The following SLFN5 variants were observed in gnomAD, a reference collection of about 807,000 sequenced individuals.
SLFN5 encodes schlafen family member 5.
In SLFN5, 34 loss-of-function variants were observed where a neutral mutation model predicts 48.5. The ratio of observed to expected loss-of-function variants is 0.70; its 90% CI spans 0.53 to 0.93. SLFN5 has a LOEUF of 0.93. Among genes scored for constraint, SLFN5 ranks in the 40% least tolerant of loss-of-function variants. The pLI is 0.00. For missense variants in SLFN5, 1,006 were observed against 1,071.3 expected (o/e 0.94, Z 0.85); for synonymous variants, 387 against 396.2 (o/e 0.98, Z 0.28).
chr17:35,249,292 T>C (rs2092437331), intron 1 of SLFN5, among the ~76,000 whole-genome samples: 2 of 152,142 alleles, frequency 1.3e-5, no homozygotes, highest in South Asian at 2.1e-4. Context: ...CAAAATAAAC[T>C]TGTGGCCCAC....
At chr17:35,249,098 A>G (rs1447354888) in intron 1 of SLFN5, among the ~76,000 whole-genome samples, 5 of 152,256 alleles carry the variant, frequency 3.3e-5, no homozygotes, top group African/African-American at 1.2e-4. Flanking sequence ...ATACCTTCCA[A>G]CACATCAGTT....
chr17:35,247,762 T>C (rs2092434014), intron 1 of SLFN5, among the ~76,000 whole-genome samples: 2 of 152,222 alleles, frequency 1.3e-5, no homozygotes, highest in Non-Finnish European at 2.9e-5. Flanking sequence ...GGGTCAGACA[T>C]AGGCATAGGT....
At chr17:35,246,099 G>A (rs1418014678) in intron 1 of SLFN5, among the ~76,000 whole-genome samples, 2 of 152,120 alleles carry the variant, frequency 1.3e-5, no homozygotes, top group Non-Finnish European at 2.9e-5. Context: ...ATGATGTTGA[G>A]CATAATTCAA....
chr17:35,262,413 A>G (rs904883391), intron 3 of SLFN5, among the ~76,000 whole-genome samples: 63 of 152,006 alleles, frequency 4.1e-4, no homozygotes, highest in Non-Finnish European at 2.4e-4. Flanking sequence ...AAAAGAAAAA[A>G]AAATTCCAAG....
chr17:35,263,361 G>C (rs1009989206), intron 3 of SLFN5, among the ~76,000 whole-genome samples: 1 of 151,758 alleles, frequency 6.6e-6, no homozygotes, highest in Non-Finnish European at 1.5e-5. Flanking sequence ...GAACTCCTGG[G>C]CTTAAGTGAT....
chr17:35,265,057 C>T lies in SLFN5; in HGVS notation c.1860-15C>T. 1 of 1,595,878 alleles carries T rather than the reference C, an allele frequency of 6.3e-7. No individual in the cohort carries two copies. The highest frequency in any genetic ancestry group is 8.5e-7 in the Non-Finnish European group (1 of 1,171,380). ...TTTGTTTCATTGGGGAAAAACCTGACTCTGTTTCTTACAGTTTCAGCAAGA... is the reference window on the plus strand; with the variant it reads ...TTTGTTTCATTGGGGAAAAACCTGATTCTGTTTCTTACAGTTTCAGCAAGA... On this transcript the variant is annotated splice_polypyrimidine_tract_variant and intron_variant, in intron 4 of 4. Transcript: ENST00000299977.
chr17:35,252,669 A>G (rs2092445166), intron 1 of SLFN5, among the ~76,000 whole-genome samples: 1 of 150,130 alleles, frequency 6.7e-6, no homozygotes, highest in Non-Finnish European at 1.5e-5. Flanking sequence ...AACATCTTAG[A>G]TTTTAGATCT....
chr17:35,249,132 C>T (rs2092436908), intron 1 of SLFN5, among the ~76,000 whole-genome samples: 1 of 152,138 alleles, frequency 6.6e-6, no homozygotes, highest in South Asian at 2.1e-4. Context: ...AAAAGCAGCC[C>T]TTTCATCTCA....
chr17:35,261,798 C>A (rs921352618), intron 3 of SLFN5, among the ~76,000 whole-genome samples: 3 of 151,532 alleles, frequency 2.0e-5, no homozygotes, highest in Non-Finnish European at 4.4e-5. Flanking sequence ...GCCTCAGCCT[C>A]TCAGGTAGCT....
At position 35,247,098 on chromosome 17, in the gene SLFN5, C is replaced by A. The variant is rs573740385; in HGVS notation, c.-41+3955C>A. Among the ~76,000 whole-genome samples the A allele has an allele frequency of 2.0e-5, 3 of 152,252 alleles. No homozygotes were observed. The East Asian group carries it at 5.8e-4, about 29-fold the overall frequency. ...AGCAGTTGACTGGTAGTGGTCAGGA[C>A]CTTGTCAATAACTGACAGCATCCTT... On this transcript the variant is annotated intron_variant, in intron 1 of 4. Coordinates refer to ENST00000299977, the MANE Select transcript of SLFN5 (RefSeq NM_144975.4).
intron 1 of SLFN5, among the ~76,000 whole-genome samples, chr17:35,246,909 G>C (rs112852751): frequency 0.015 from 2,315 of 151,762 alleles, 73 homozygotes; most frequent in African/African-American, 0.054. Flanking sequence ...AGAAATGTTT[G>C]CCTAACCCAA....
intron 1 of SLFN5, among the ~76,000 whole-genome samples, chr17:35,256,665 A>G (rs1904351468): frequency 6.6e-6 from 1 of 152,186 alleles, no homozygotes; most frequent in Admixed American, 6.5e-5. Flanking sequence ...TCCACAGCCC[A>G]AGTGATTTAC....
In SLFN5 at chr17:35,269,739, T is replaced by C. The variant is rs1904787239; in HGVS notation, c.*3851T>C. On this transcript the variant is annotated 3_prime_UTR_variant, in exon 5 of 5. Transcript: ENST00000299977. Reference sequence around the variant, plus strand: ...GCTAGCATAGGGCAGGTTCCTTAGTTGAAAAATTTCCACAAAACATGATGT... The same window carrying C: ...GCTAGCATAGGGCAGGTTCCTTAGTCGAAAAATTTCCACAAAACATGATGT... The C allele has an allele frequency of 6.6e-6, 1 of 152,184 alleles. No individual in the cohort carries two copies. The allele number at this position is 152,184 out of a possible 1,614,324, so 9.4% of individuals were successfully genotyped here.
At chr17:35,264,125 G>A (rs951907682) in intron 3 of SLFN5, 58 bp from the exon 4 acceptor site, 2 of 1,514,400 alleles carry the variant, frequency 1.3e-6, no homozygotes, top group African/African-American at 2.8e-5. Context: ...TACGTATAAT[G>A]ATGATTACTA....
intron 1 of SLFN5, among the ~76,000 whole-genome samples, chr17:35,245,325 G>A (rs1033749717): frequency 6.6e-6 from 1 of 152,216 alleles, no homozygotes; most frequent in African/African-American, 2.4e-5. Flanking sequence ...TATACGGGGT[G>A]AGTACACCAG....
At chr17:35,257,082 ACCATCTCCTCACCAACCC>A (rs1904365746) in intron 1 of SLFN5, among the ~76,000 whole-genome samples, 1 of 152,096 alleles carries the variant, frequency 6.6e-6, no homozygotes, top group South Asian at 2.1e-4. Context: ...CCATCCTGAA[ACCATCTCCTCACCAACCC>A]CCAACCCCCA....
Position 35,271,225 on chromosome 17 carries a change from A to G in SLFN5, c.*5337A>G, listed in dbSNP as rs1904822959. ...ATTCATCTTCATACAGGGATGGACT[A>G]TAAGTGATTTTTAAAAAACTTCCTA... On this transcript the variant is annotated 3_prime_UTR_variant, in exon 5 of 5. Transcript: ENST00000299977. 1 of 152,226 alleles carries G rather than the reference A, an allele frequency of 6.6e-6. No individual in the cohort carries two copies. Among genetic ancestry groups the G allele is most frequent in the East Asian group, 1.9e-4 (1 of 5,188 alleles). The allele number at this position is 152,226 out of a possible 1,614,324, so 9.4% of individuals were successfully genotyped here.
chr17:35,261,136 GTTCA>G (rs1252410938), intron 3 of SLFN5, 40 bp downstream of exon 3: 1 of 1,591,590 alleles, frequency 6.3e-7, no homozygotes. Context: ...TATGTTGATT[GTTCA>G]TTCATATAAA....
Position 35,269,542 on chromosome 17 carries a change from A to AAAATG in SLFN5, c.*3656_*3657insATGAA, listed in dbSNP as rs1159521730. The AAAATG allele has an allele frequency of 9.8e-5, 15 of 152,326 alleles. No individual in the cohort carries two copies. The highest frequency in any genetic ancestry group is 3.4e-4 in the African/African-American group (14 of 41,574). 9.4% of individuals were successfully genotyped at this position (152,326 alleles called of 1,614,324 possible). A position where few individuals can be genotyped will look rare whatever the true frequency, so the allele number is the denominator to read the frequency against. On this transcript the variant is annotated 3_prime_UTR_variant, in exon 5 of 5. Transcript: ENST00000299977. Reference sequence around the variant, plus strand: ...TCATTAGGGAGGACCTGATAGAATAAAATGACAAGCTGACCAAATAGGCCT... The same window carrying AAAATG: ...TCATTAGGGAGGACCTGATAGAATAAAAATGAATGACAAGCTGACCAAATAGGCCT...
Sources: allele counts gnomAD v4.1 joint callset (sites outside exome capture counted in the v4.1 genomes callset), GRCh38; gene constraint gnomAD v4.1.1; transcripts MANE v1.5; gene names NCBI Gene and HGNC (gene_info 2026-07-23, HGNC 2026-07-21).